KANK3: variants seen among roughly 807,000 people sequenced by gnomAD.
The protein encoded by KANK3 is KN motif and ankyrin repeat domain-containing protein 3.
In KANK3, 61 loss-of-function variants were observed where a neutral mutation model predicts 65.4. The ratio of observed to expected loss-of-function variants is 0.93; its 90% CI spans 0.76 to 1.15. The LOEUF (loss-of-function observed/expected upper bound fraction) is 1.15. Among genes scored for constraint, KANK3 ranks in the 50% most tolerant of loss-of-function variants. The probability of loss-of-function intolerance (pLI) is 0.00; values close to 1 mark genes in which losing one functional copy is unlikely to be tolerated. For missense variants in KANK3, 1,187 were observed against 1,178.8 expected, an observed-to-expected ratio of 1.01 and a Z score of -0.10; for synonymous variants, 586 against 543.3, an observed-to-expected ratio of 1.08 and a Z score of -1.09.
intron 7 of KANK3, among the ~76,000 whole-genome samples, chr19:8,327,836 C>G (rs1477982897): frequency 6.6e-6 from 1 of 152,160 alleles, no homozygotes; most frequent in Non-Finnish European, 1.5e-5. Flanking sequence ...TCCATGCCTT[C>G]CACTAAGACA....
chr19:8,329,351 A>G (rs144544599), intron 7 of KANK3, among the ~76,000 whole-genome samples: 4,656 of 148,276 alleles, frequency 0.031, 88 homozygotes, highest in East Asian at 0.092. Context: ...GCCGGGCATG[A>G]TGGCGCTTGC....
chr19:8,337,821 T>C lies in KANK3; in HGVS notation c.8A>G (p.Lys3Arg). The C allele has an allele frequency of 3.1e-6, 5 of 1,613,486 alleles. No individual in the cohort carries two copies. Among genetic ancestry groups the C allele is most frequent in the Non-Finnish European group, 4.2e-6 (5 of 1,179,972 alleles). The part of the protein sequence containing the change: MA[K>R]FALNQNLPDL... ...GGGCAGGTTCTGATTCAGGGCAAAC[T>C]TGGCCATGTTTCCTGCAGCAGCTGT... Residue 3 changes from lysine (K) to arginine (R), a missense_variant, in exon 2 of 11, where the codon AAG becomes AGG. Physicochemically the swap from Lys to Arg is conservative, Grantham distance 26 (BLOSUM62 2). Coordinates refer to ENST00000330915, the MANE Select transcript of KANK3 (RefSeq NM_198471.3).
intron 7 of KANK3, 126 bp from the exon 8 acceptor site, chr19:8,325,222 T>C (rs922043263): frequency 5.1e-6 from 5 of 973,066 alleles, no homozygotes; most frequent in Non-Finnish European, 5.8e-6. Flanking sequence ...CTCCCCACAA[T>C]AGCTACCTGG....
chr19:8,337,610 T>G (rs1448842461), intron 2 of KANK3, among the ~76,000 whole-genome samples, 185 bp downstream of exon 2: 1 of 152,018 alleles, frequency 6.6e-6, no homozygotes, highest in Non-Finnish European at 1.5e-5. Flanking sequence ...CCTCCCAAAG[T>G]GCTGGGATTA....
At chr19:8,331,875 C>A (rs1970530895) in intron 7 of KANK3, among the ~76,000 whole-genome samples, 1 of 152,038 alleles carries the variant, frequency 6.6e-6, no homozygotes, top group Non-Finnish European at 1.5e-5. Flanking sequence ...TAAATAATGC[C>A]CCTAAACTGA....
intron 1 of KANK3, among the ~76,000 whole-genome samples, chr19:8,342,260 T>C (rs1358679164): frequency 3.9e-5 from 6 of 152,170 alleles, no homozygotes; most frequent in African/African-American, 1.4e-4. Context: ...CCCAAAGTGC[T>C]GGGATAACAG....
intron 7 of KANK3, among the ~76,000 whole-genome samples, chr19:8,327,619 C>A (rs1350309559): frequency 6.6e-6 from 1 of 152,000 alleles, no homozygotes; most frequent in South Asian, 2.1e-4. Flanking sequence ...GACAGAGCGA[C>A]ACTCTGCTCC....
rs570828336 is a variant in KANK3, at chr19:8,333,097, A to T, written c.1853T>A (p.Leu618Gln). 6.3e-7 allele frequency: 1 copy of T among 1,590,910 alleles called. No individual in the cohort carries two copies. The highest frequency in any genetic ancestry group is 2.3e-5 in the East Asian group (1 of 43,202). Residue 618 changes from leucine (L) to glutamine (Q), a missense_variant, in exon 7 of 11, where the codon CTG (leucine) becomes CAG (glutamine). Around this residue, in one of 3 missense-constraint regions of KANK3, gnomAD observed 1,078 missense variants for 1,038.2 expected, o/e 1.04. Transcript: ENST00000330915. This position sits in a 1 kb window ranked among gnomAD's most constrained non-coding sequence, Gnocchi z 5.0. ...GGCCGTGTTCCCGTTGCCATCCGCC[A>T]GGTTCACCACGTGCGCCAGCAGTTC... Reference protein sequence around the residue: ...GPELLAHVVNLADGNGNTALH... With the variant: ...GPELLAHVVNQADGNGNTALH...
In KANK3 at chr19:8,333,947, C is replaced by G. The variant is rs761573919; in HGVS notation, c.1597G>C (p.Glu533Gln). Residue 533 changes from glutamate (E) to glutamine (Q), a missense_variant, in exon 5 of 11, where the codon GAG becomes CAG. Coordinates refer to ENST00000330915, the MANE Select transcript of KANK3 (RefSeq NM_198471.3). The surrounding 1 kb of genome is among the most constrained non-coding windows in gnomAD (Gnocchi z 5.0). ...ACCTGCTGAGGCTCTGCCTCCGCCTCGGGCTCAGGGTCCCGGATGTCCCCG... is the reference window on the plus strand; with the variant it reads ...ACCTGCTGAGGCTCTGCCTCCGCCTGGGGCTCAGGGTCCCGGATGTCCCCG... Reference protein sequence around the residue: ...SGGDIRDPEPEAEAEPQQVAQ... With the variant: ...SGGDIRDPEPQAEAEPQQVAQ... 1 of 1,569,500 alleles carries G rather than the reference C, an allele frequency of 6.4e-7. No homozygotes were observed. Among genetic ancestry groups the G allele is most frequent in the South Asian group, 1.2e-5 (1 of 86,808 alleles).
In KANK3 at chr19:8,333,657, A is replaced by T; in HGVS notation, c.1719+67T>A. On this transcript the variant is annotated intron_variant, in intron 6 of 10. Coordinates refer to ENST00000330915, the MANE Select transcript of KANK3 (RefSeq NM_198471.3). This position sits in a 1 kb window ranked among gnomAD's most constrained non-coding sequence, Gnocchi z 5.0. ...GGATGGAACCCGGTGTGCTCCCCTA[A>T]GTGGGCGTCAGAGGTCCTTGGAGGC... 2 of 1,290,842 alleles carry T rather than the reference A, an allele frequency of 1.5e-6. No homozygotes were observed. Among genetic ancestry groups the T allele is most frequent in the Non-Finnish European group, 2.0e-6 (2 of 976,430 alleles). The allele number at this position is 1,290,842 out of a possible 1,614,324, so 80.0% of individuals were successfully genotyped here.
At chr19:8,338,464 A>G (rs558639062) in intron 1 of KANK3, among the ~76,000 whole-genome samples, 1 of 152,206 alleles carries the variant, frequency 6.6e-6, no homozygotes, top group Non-Finnish European at 1.5e-5. Context: ...GAGGCATTCC[A>G]GACCTGCTGG....
intron 1 of KANK3, among the ~76,000 whole-genome samples, chr19:8,341,257 G>A (rs1000538845): frequency 1.0e-4 from 15 of 143,906 alleles, no homozygotes; most frequent in Non-Finnish European, 1.9e-4. Flanking sequence ...GCAATGTCTC[G>A]CTCACTCTGT....
intron 7 of KANK3, among the ~76,000 whole-genome samples, chr19:8,329,461 TC>T (rs1216953124): frequency 8.6e-6 from 1 of 116,886 alleles, no homozygotes; most frequent in Non-Finnish European, 1.6e-5. Context: ...ACCACTGCAC[TC>T]CAGCCAGGCA....
At chr19:8,326,394 C>G (rs1037643029) in intron 7 of KANK3, among the ~76,000 whole-genome samples, 5 of 151,118 alleles carry the variant, frequency 3.3e-5, no homozygotes, top group African/African-American at 1.2e-4. Flanking sequence ...TGCACTCCAG[C>G]CTGGGTAACA....
chr19:8,334,121 G>A lies in KANK3; in HGVS notation c.1428-5C>T. On this transcript the variant is annotated splice_polypyrimidine_tract_variant and splice_region_variant and intron_variant, in intron 4 of 10. Transcript: ENST00000330915. The stretch of plus-strand genomic sequence containing the variant: ...TCGCTGGAGGAGCTCTCGTACCTGG[G>A]GGCAGGGTGGGAGGTGTCTGCTAAA... 6.6e-7 allele frequency: 1 copy of A among 1,508,456 alleles called. No homozygotes were observed. The highest frequency in any genetic ancestry group is 8.9e-7 in the Non-Finnish European group (1 of 1,127,952). 93.4% of individuals were successfully genotyped at this position (1,508,456 alleles called of 1,614,324 possible).
rs1409781472 is a variant in KANK3, at chr19:8,335,272, C to T, written c.555G>A (p.Leu185=). The T allele has an allele frequency of 4.1e-6, 5 of 1,220,960 alleles. No homozygotes were observed. In the African/African-American group the frequency reaches 4.8e-5, roughly 12 times the overall value. The allele number at this position is 1,220,960 out of a possible 1,614,324, so 75.6% of individuals were successfully genotyped here. ...PASPGPAQLQ[L]VREQMAAALR... Reference sequence around the variant, plus strand: ...GCGCCGCGGCCATCTGCTCGCGCACCAGCTGCAGTTGGGCAGGGCCGGGCG... The same window carrying T: ...GCGCCGCGGCCATCTGCTCGCGCACTAGCTGCAGTTGGGCAGGGCCGGGCG... The change falls in exon 3 of 11, where the codon CTG becomes CTA. Residue 185 remains leucine (L), a synonymous_variant. Transcript: ENST00000330915.
Position 8,335,443 on chromosome 19 carries a change from C to T in KANK3, c.384G>A (p.Pro128=), listed in dbSNP as rs773416815. 1.0e-4 allele frequency: 124 copies of T among 1,221,074 alleles called. No individual in the cohort carries two copies. The highest frequency in any genetic ancestry group is 1.2e-4 in the Non-Finnish European group (117 of 979,590). 75.6% of individuals were successfully genotyped at this position (1,221,074 alleles called of 1,614,324 possible). ...TCTCCCGGAGCGTGTGCTCGACGCG[C>T]GGGTTGCGCACGGGCGCGCGCGGCG... The part of the protein sequence containing the change: ...PLSPRAPVRN[P]RVEHTLRETS... The change falls in exon 3 of 11, where the codon CCG becomes CCA. Residue 128 remains proline (P), a synonymous_variant. Transcript: ENST00000330915.
chr19:8,324,437 A>T lies in KANK3; in HGVS notation c.2382+12T>A. On this transcript the variant is annotated intron_variant, in intron 10 of 10. Coordinates refer to ENST00000330915, the MANE Select transcript of KANK3 (RefSeq NM_198471.3). ...AGCTGGGAAAGTTTGTTTCTTCCAG[A>T]GCTGTGCTCACCTGGGTGTCGGGCT... The T allele has an allele frequency of 1.9e-6, 3 of 1,584,504 alleles. No individual in the cohort carries two copies. Among genetic ancestry groups the T allele is most frequent in the Non-Finnish European group, 1.7e-6 (2 of 1,164,864 alleles).
chr19:8,326,047 A>G (rs1970421865), intron 7 of KANK3, among the ~76,000 whole-genome samples: 1 of 151,894 alleles, frequency 6.6e-6, no homozygotes, highest in Non-Finnish European at 1.5e-5. Context: ...CTGGTCTCGA[A>G]CTCCGACCTC....
Sources: gnomAD v4.1 joint callset for allele counts (sites outside exome capture counted in the v4.1 genomes callset) on GRCh38, gnomAD v4.1.1 for gene constraint, gnomAD v4.1.1 regional missense constraint, Gnocchi (gnomAD v3.1) non-coding constraint, MANE v1.5 for transcripts, NCBI Gene and HGNC (gene_info 2026-07-23, HGNC 2026-07-21) for gene names.